RRM2: variants seen among roughly 807,000 people sequenced by gnomAD.
The protein encoded by RRM2 is ribonucleotide reductase regulatory subunit M2, also known as ribonucleoside-diphosphate reductase subunit M2.
RRM2 carries 6 observed loss-of-function variants against 45.9 expected under a neutral mutation model. The ratio of observed to expected loss-of-function variants is 0.13; its 90% CI spans 0.07 to 0.26. RRM2 has a LOEUF of 0.26. Among genes scored for constraint, RRM2 ranks in the 10% least tolerant of loss-of-function variants. The probability of loss-of-function intolerance (pLI) is 1.00; values close to 1 mark genes in which losing one functional copy is unlikely to be tolerated. For missense variants in RRM2, 343 were observed against 489.5 expected (o/e 0.70, Z 2.82); for synonymous variants, 177 against 173.0 (o/e 1.02, Z -0.18).
intron 3 of RRM2, chr2:10,210,264 G>T (rs756315337): frequency 7.8e-7 from 1 of 1,283,412 alleles, no homozygotes; most frequent in South Asian, 1.2e-5. Flanking sequence ...GGCATGGGTT[G>T]GATGATCTTG....
chr2:10,209,590 T>TGC (rs1221865212), intron 3 of RRM2, among the ~76,000 whole-genome samples: 9 of 138,030 alleles, frequency 6.5e-5, no homozygotes, highest in Admixed American at 2.4e-4. Context: ...TGTGTGTGTG[T>TGC]GCGCGCGCGT....
chr2:10,153,125 A>G (rs1663350318), intron 3 of RRM2, among the ~76,000 whole-genome samples: 1 of 152,080 alleles, frequency 6.6e-6, no homozygotes, highest in Non-Finnish European at 1.5e-5. Context: ...TGAGGTCAGG[A>G]GTTTGAGACC....
intron 3 of RRM2, among the ~76,000 whole-genome samples, chr2:10,157,153 C>T (rs181621426): frequency 2.4e-4 from 36 of 151,424 alleles, no homozygotes; most frequent in East Asian, 9.9e-4. Context: ...CTCGGCCTCC[C>T]GAGTAGCTGG....
Position 10,129,443 on chromosome 2 carries a change from A to C in RRM2, c.*57A>C. On this transcript the variant is annotated 3_prime_UTR_variant, in exon 10 of 10. Coordinates refer to ENST00000304567, the MANE Select transcript of RRM2 (RefSeq NM_001034.4). The surrounding 1 kb of genome is among the most constrained non-coding windows in gnomAD (Gnocchi z 4.8). ...TTTTTTTTTTCCATCTCATAAGAAA[A>C]ATCAGCTGAAGTGTTACCAACTAGC... 2 of 1,549,870 alleles carry C rather than the reference A, an allele frequency of 1.3e-6. 1 individual carries two copies. The highest frequency in any genetic ancestry group is 2.5e-5 in the South Asian group (2 of 81,068).
At chr2:10,123,642 G>A (rs1046679101) in intron 3 of RRM2, 94 bp from the exon 4 acceptor site, 52 of 1,433,662 alleles carry the variant, frequency 3.6e-5, no homozygotes, top group South Asian at 2.2e-4. Context: ...CATAGTAAGT[G>A]GTGCCAGCAT....
chr2:10,122,814 G>C lies in RRM2; in HGVS notation c.16G>C (p.Val6Leu). Residue 6 changes from valine to leucine, a missense_variant, in exon 1 of 10, where the codon GTC becomes CTC. Coordinates refer to ENST00000304567, the MANE Select transcript of RRM2 (RefSeq NM_001034.4). ...CGCCTCCACTATGCTCTCCCTCCGT[G>C]TCCCGCTCGCGCCCATCACGGACCC... Reference protein sequence around the residue: MLSLRVPLAPITDPQQ... With the variant: MLSLRLPLAPITDPQQ... The C allele has an allele frequency of 6.3e-7, 1 of 1,594,600 alleles. No homozygotes were observed. The highest frequency in any genetic ancestry group is 8.5e-7 in the Non-Finnish European group (1 of 1,172,156).
chr2:10,167,576 C>T (rs867158505), intron 3 of RRM2, among the ~76,000 whole-genome samples: 4 of 152,252 alleles, frequency 2.6e-5, no homozygotes, highest in African/African-American at 7.2e-5. Flanking sequence ...GTTTTTTCAG[C>T]GGGCGTGGTG....
intron 3 of RRM2, among the ~76,000 whole-genome samples, chr2:10,187,008 G>A (rs1261388541): frequency 3.9e-5 from 6 of 152,360 alleles, no homozygotes; most frequent in South Asian, 2.1e-4. Context: ...GAGGAGGTGC[G>A]TGCGGGGCTG....
In RRM2 at chr2:10,171,658, C is replaced by T. The variant is rs973803933; in HGVS notation, n.482+29283C>T. ...GCTGTCCTGAGCATCTGGGTCAGGA[C>T]GACACGGATGCCACCCCAGGACCCC... is the stretch of plus-strand genomic sequence containing the variant. On this transcript the variant is annotated intron_variant and non_coding_transcript_variant, in intron 3 of 3. Coordinates refer to the RRM2 transcript ENST00000381786. The surrounding 1 kb of genome is among the most constrained non-coding windows in gnomAD (Gnocchi z 4.1). Among the ~76,000 whole-genome samples, 9 of 152,234 alleles carry T rather than the reference C, an allele frequency of 5.9e-5. No individual in the cohort carries two copies. Among genetic ancestry groups the T allele is most frequent in the South Asian group, 2.1e-4 (1 of 4,830 alleles).
At chr2:10,156,150 T>C (rs1386697288) in intron 3 of RRM2, 1 of 152,250 alleles carries the variant, frequency 6.6e-6, no homozygotes, top group Non-Finnish European at 1.5e-5. Flanking sequence ...GGGTGTCCAA[T>C]CTTTTGGCTT....
chr2:10,148,415 C>T (rs531942441), intron 3 of RRM2, among the ~76,000 whole-genome samples: 1 of 151,096 alleles, frequency 6.6e-6, no homozygotes, highest in African/African-American at 2.4e-5. Context: ...AAAAAATATT[C>T]AGTTATTGCA....
At chr2:10,159,848 C>A (rs1382915000) in intron 3 of RRM2, among the ~76,000 whole-genome samples, 1 of 152,200 alleles carries the variant, frequency 6.6e-6, no homozygotes, top group African/African-American at 2.4e-5. Flanking sequence ...CCCCCAGTTT[C>A]TCTGTAGCCT....
At chr2:10,122,951 G>T in intron 1 of RRM2, 32 bp from the exon 2 acceptor site, 1 of 1,546,684 alleles carries the variant, frequency 6.5e-7, no homozygotes. Context: ...GGAAAGCGAA[G>T]CCGCTCCTCA....
At chr2:10,165,714 G>A (rs1303378224) in intron 3 of RRM2, among the ~76,000 whole-genome samples, 1 of 152,222 alleles carries the variant, frequency 6.6e-6, no homozygotes, top group African/African-American at 2.4e-5. Context: ...CACGAGGAAA[G>A]GCAAAGAGAT....
chr2:10,210,201 C>A, intron 3 of RRM2: 2 of 593,326 alleles, frequency 3.4e-6, no homozygotes, highest in Non-Finnish European at 5.6e-6. Context: ...AGGAACCAGC[C>A]CTTGGCCATG....
At chr2:10,128,760 A>G (rs755882731) in intron 7 of RRM2, 88 bp from the exon 8 acceptor site, 13 of 920,798 alleles carry the variant, frequency 1.4e-5, no homozygotes, top group Non-Finnish European at 2.1e-5. Context: ...TTGGATAAGG[A>G]GAATGCAGAA....
At chr2:10,128,748 T>G in intron 7 of RRM2, 100 bp from the exon 8 acceptor site, 1 of 821,450 alleles carries the variant, frequency 1.2e-6, no homozygotes, top group Non-Finnish European at 2.1e-6. Flanking sequence ...TGGCTGAGCA[T>G]GTTGGATAAG....
At chr2:10,152,903 TA>T in intron 3 of RRM2, among the ~76,000 whole-genome samples, 1 of 152,248 alleles carries the variant, frequency 6.6e-6, no homozygotes, top group South Asian at 2.1e-4. Context: ...TCTAAATAAA[TA>T]AAAAATAGAA....
chr2:10,155,824 T>C (rs1250245083), intron 3 of RRM2: 1 of 152,220 alleles, frequency 6.6e-6, no homozygotes, highest in African/African-American at 2.4e-5. Context: ...CAGCGCTGAG[T>C]CAGGGTTACC....
Sources: gnomAD v4.1 joint callset for allele counts (sites outside exome capture counted in the v4.1 genomes callset) on GRCh38, gnomAD v4.1.1 for gene constraint, Gnocchi (gnomAD v3.1) non-coding constraint, MANE v1.5 for transcripts, NCBI Gene and HGNC (gene_info 2026-07-23, HGNC 2026-07-21) for gene names.